EXOC4: variants seen among roughly 807,000 people sequenced by gnomAD.
EXOC4 encodes the protein SEC8-like 1.
In EXOC4, 71 loss-of-function variants were observed where a neutral mutation model predicts 107.2. That is an observed-to-expected ratio of 0.66 (90% CI 0.55 to 0.81). The LOEUF is 0.81. EXOC4 is among the 30% of genes least tolerant of loss of function. The pLI, the probability that EXOC4 is intolerant of heterozygous loss-of-function variation, is 0.00. For missense variants in EXOC4, 1,108 were observed against 1,189.6 expected (o/e 0.93, Z 1.01); for synonymous variants, 456 against 441.2 (o/e 1.03, Z -0.42).
At chr7:133,403,771 T>A (rs144525528) in intron 7 of EXOC4, among the ~76,000 whole-genome samples, 3 of 151,962 alleles carry the variant, frequency 2.0e-5, no homozygotes, top group Non-Finnish European at 4.4e-5. Context: ...CTCTAAAAAA[T>A]TTTTTTAAAA....
chr7:133,338,372 T>G (rs1017470437), intron 5 of EXOC4, among the ~76,000 whole-genome samples: 2 of 150,914 alleles, frequency 1.3e-5, no homozygotes, highest in Non-Finnish European at 3.0e-5. Context: ...GGCGGGTGGA[T>G]CATGAGGTCA....
At chr7:133,506,717 A>C (rs1235446998) in intron 9 of EXOC4, among the ~76,000 whole-genome samples, 1 of 152,094 alleles carries the variant, frequency 6.6e-6, no homozygotes, top group Non-Finnish European at 1.5e-5. Flanking sequence ...TTCATCCTTG[A>C]CATCATTTAA....
At chr7:133,508,015 G>A (rs1799697593) in intron 9 of EXOC4, among the ~76,000 whole-genome samples, 2 of 151,892 alleles carry the variant, frequency 1.3e-5, no homozygotes, top group South Asian at 2.1e-4. Context: ...AACCAAGATC[G>A]CGCCATTGCA....
rs761223615 is a variant in EXOC4 at position 133,886,509 on chromosome 7, TG to T, written c.1735-9089del. Among the ~76,000 whole-genome samples, 6 of 152,048 alleles carry T rather than the reference TG, an allele frequency of 3.9e-5. No individual in the cohort carries two copies. The South Asian group carries it at 6.2e-4, about 16-fold the overall frequency. On this transcript the variant is annotated intron_variant, in intron 11 of 17. Transcript: ENST00000253861. ...TTTAGGTATTTATTTTCCACAGCAA[TG>T]TTTTTTTTTATTACATCAACTGTCC...
the EXOC4 span, among the ~76,000 whole-genome samples, chr7:134,083,577 T>C: frequency 6.6e-6 from 1 of 152,144 alleles, no homozygotes; most frequent in East Asian, 1.9e-4. Flanking sequence ...ATGGCTTCAG[T>C]CACAAGCCTG....
At chr7:133,969,357 A>G (rs1322353385) in intron 14 of EXOC4, among the ~76,000 whole-genome samples, 1 of 152,168 alleles carries the variant, frequency 6.6e-6, no homozygotes, top group South Asian at 2.1e-4. Flanking sequence ...CGCCAAACTC[A>G]TTCTCCATCC....
At chr7:133,361,156 C>T (rs1352726064) in intron 6 of EXOC4, among the ~76,000 whole-genome samples, 1 of 152,180 alleles carries the variant, frequency 6.6e-6, no homozygotes, top group Non-Finnish European at 1.5e-5. Context: ...TATGTGGTCC[C>T]TGTCCTCATG....
At chr7:133,576,816 T>C in intron 9 of EXOC4, 1 of 1,289,628 alleles carries the variant, frequency 7.8e-7, no homozygotes, top group Admixed American at 2.3e-5. Flanking sequence ...CAAGTTTTAC[T>C]GAACTCCTCG....
intron 11 of EXOC4, among the ~76,000 whole-genome samples, chr7:133,886,825 A>G (rs1799096649): frequency 6.6e-6 from 1 of 152,216 alleles, no homozygotes; most frequent in African/African-American, 2.4e-5. Flanking sequence ...GATATTTTCA[A>G]CATTTATCTG....
intron 11 of EXOC4, among the ~76,000 whole-genome samples, chr7:133,831,198 C>T (rs1459588978): frequency 2.0e-5 from 3 of 152,070 alleles, no homozygotes; most frequent in Non-Finnish European, 2.9e-5. Flanking sequence ...CCCCTGACTT[C>T]GTGATCCACC....
At chr7:133,463,386 C>T (rs1207731509) in intron 7 of EXOC4, among the ~76,000 whole-genome samples, 1 of 152,152 alleles carries the variant, frequency 6.6e-6, no homozygotes, top group African/African-American at 2.4e-5. Context: ...ATTTCCTAAA[C>T]ATCTGCTGCA....
At chr7:133,909,424 T>A (rs557312102) in intron 12 of EXOC4, among the ~76,000 whole-genome samples, 3 of 152,270 alleles carry the variant, frequency 2.0e-5, no homozygotes, top group Non-Finnish European at 4.4e-5. Flanking sequence ...GACGTGGCAT[T>A]TGAGCTCAGT....
chr7:134,057,770 A>G (rs1474659875), intron 17 of EXOC4, among the ~76,000 whole-genome samples: 1 of 152,100 alleles, frequency 6.6e-6, no homozygotes, highest in African/African-American at 2.4e-5. Flanking sequence ...ATTTTGAAGG[A>G]CCAAGCAGGG....
chr7:133,436,785 C>T (rs540017487), intron 7 of EXOC4, among the ~76,000 whole-genome samples: 6 of 152,186 alleles, frequency 3.9e-5, no homozygotes, highest in African/African-American at 1.2e-4. Flanking sequence ...AATCTTCATA[C>T]CCTCCCCCTT....
At chr7:133,798,781 T>C (rs1796868979) in intron 10 of EXOC4, among the ~76,000 whole-genome samples, 1 of 151,910 alleles carries the variant, frequency 6.6e-6, no homozygotes. Context: ...TTAGGAACCA[T>C]GAGAAAGACA....
rs1488157652 is a variant in EXOC4 at position 133,855,069 on chromosome 7, C to CTAAATATATA, written c.1734+37534_1734+37535insATAAATATAT. The stretch of plus-strand genomic sequence containing the variant: ...TATATCTAAATATATCTAAATATAT[C>CTAAATATATA]TAAATATATCTAAATATATATAAAT... On this transcript the variant is annotated intron_variant, in intron 11 of 17. Transcript: ENST00000253861. Among the ~76,000 whole-genome samples, 211 of 42,908 alleles carry CTAAATATATA rather than the reference C, an allele frequency of 4.9e-3. 6 individuals are homozygous for CTAAATATATA. Among genetic ancestry groups the CTAAATATATA allele is most frequent in the African/African-American group, 0.032 (179 of 5,636 alleles). 28.1% of individuals were successfully genotyped at this position (42,908 alleles called of 152,430 possible). A position where few individuals can be genotyped will look rare whatever the true frequency, so the allele number is the denominator to read the frequency against.
At chr7:133,589,320 A>G (rs1801485092) in intron 9 of EXOC4, among the ~76,000 whole-genome samples, 1 of 152,298 alleles carries the variant, frequency 6.6e-6, no homozygotes, top group South Asian at 2.1e-4. Flanking sequence ...CCCTCTAGAA[A>G]GCTGATGAGG....
At position 134,005,022 on chromosome 7, in the gene EXOC4, A is replaced by G. The variant is rs773965833; in HGVS notation, c.2459A>G (p.Asp820Gly). Residue 820 changes from aspartate to glycine, a missense_variant, in exon 16 of 18, where the codon GAT becomes GGT. Asp to Gly is a moderately conservative substitution (Grantham distance 94). Coordinates refer to ENST00000253861, the MANE Select transcript of EXOC4 (RefSeq NM_021807.4). ...YDPLVVKLNK[D>G]ISAIEEAMSA... ...CCCCTGGTGGTCAAGCTCAACAAAG[A>G]TATCAGCGCCATTGAAGAGGCCATG... 6.2e-7 allele frequency: 1 copy of G among 1,613,640 alleles called. No individual in the cohort carries two copies. Among genetic ancestry groups the G allele is most frequent in the Non-Finnish European group, 8.5e-7 (1 of 1,179,672 alleles).
chr7:133,590,461 C>T (rs1801515451), intron 9 of EXOC4, among the ~76,000 whole-genome samples: 1 of 152,034 alleles, frequency 6.6e-6, no homozygotes. Flanking sequence ...AGCCCAAAGT[C>T]CTGTTTTCTC....
Sources: gnomAD v4.1 joint callset for allele counts (sites outside exome capture counted in the v4.1 genomes callset) on GRCh38, gnomAD v4.1.1 for gene constraint, MANE v1.5 for transcripts, NCBI Gene and HGNC (gene_info 2026-07-23, HGNC 2026-07-21) for gene names.